Variants in XPO5 observed in about 807,000 individuals in gnomAD.
XPO5 encodes exportin-5.
Under a neutral mutation model 160.6 loss-of-function variants are expected in XPO5, and 46 were observed. That is an observed-to-expected ratio of 0.29 (90% CI 0.23 to 0.37). The LOEUF is 0.37. Ranked by LOEUF, XPO5 falls within the 10% of genes least tolerant of loss-of-function variation. The pLI is 1.00. For synonymous variants in XPO5, 537 were observed against 519.3 expected (o/e 1.03, Z -0.46); for missense variants, 1,090 against 1,463.9 (o/e 0.74, Z 4.17).
At chr6:43,528,548 G>A (rs1046907937) in intron 24 of XPO5, among the ~76,000 whole-genome samples, 2 of 152,106 alleles carry the variant, frequency 1.3e-5, no homozygotes, top group African/African-American at 4.8e-5. Context: ...TCCTGGCAAG[G>A]GTCTGTGAGC....
Position 43,570,610 on chromosome 6 carries a change from G to C in XPO5, c.513C>G (p.Pro171=). 6.2e-7 allele frequency: 1 copy of C among 1,613,684 alleles called. No homozygotes were observed. Among genetic ancestry groups the C allele is most frequent in the South Asian group, 1.1e-5 (1 of 91,060 alleles). Residue 171 remains proline (P), a synonymous_variant, in exon 5 of 32, where the codon CCC becomes CCG. Coordinates refer to ENST00000265351, the MANE Select transcript of XPO5 (RefSeq NM_020750.3). ...AEDVVTFQTL[P]PQRRRDIQQT... ...GCTGGATGTCCCTTCTTCTTTGAGGGGGAAGTGTCTGAAAAGTCACTACAT... is the reference window on the plus strand; with the variant it reads ...GCTGGATGTCCCTTCTTCTTTGAGGCGGAAGTGTCTGAAAAGTCACTACAT...
chr6:43,574,937 T>C (rs1763220533), intron 1 of XPO5, among the ~76,000 whole-genome samples: 1 of 152,218 alleles, frequency 6.6e-6, no homozygotes, highest in South Asian at 2.1e-4. Flanking sequence ...TTTTTGAAGT[T>C]AACATCACTT....
intron 6 of XPO5, among the ~76,000 whole-genome samples, chr6:43,567,576 C>A (rs983095914): frequency 1.3e-5 from 2 of 152,052 alleles, no homozygotes; most frequent in South Asian, 4.1e-4. Context: ...TTATCTTTTT[C>A]ACAAAACCCC....
chr6:43,543,627 A>C (rs9472074), intron 20 of XPO5, among the ~76,000 whole-genome samples: 1 of 151,920 alleles, frequency 6.6e-6, no homozygotes, highest in Non-Finnish European at 1.5e-5. Flanking sequence ...TCACAAGTTA[A>C]GCCCTTTTCT....
chr6:43,539,640 G>A (rs1471321614), intron 20 of XPO5: 16 of 1,316,998 alleles, frequency 1.2e-5, no homozygotes, highest in Middle Eastern at 5.1e-4. Flanking sequence ...AAGCCACCGC[G>A]GTTCCCCATC....
intron 20 of XPO5, among the ~76,000 whole-genome samples, chr6:43,543,407 C>T (rs1260831053): frequency 2.0e-5 from 3 of 152,098 alleles, no homozygotes; most frequent in South Asian, 2.1e-4. Flanking sequence ...GAGCCGTGAT[C>T]GCAACACTGC....
intron 11 of XPO5, 43 bp from the exon 12 acceptor site, chr6:43,558,634 C>T (rs771922052): frequency 1.4e-6 from 2 of 1,454,694 alleles, no homozygotes; most frequent in Non-Finnish European, 1.8e-6. Context: ...GAAAGTGGAC[C>T]CACTGAAAGA....
chr6:43,545,490 T>C (rs113512428), intron 20 of XPO5, among the ~76,000 whole-genome samples: 1 of 151,984 alleles, frequency 6.6e-6, no homozygotes, highest in African/African-American at 2.4e-5. Context: ...ACTGATCACT[T>C]GCGGCCAGGA....
At position 43,558,530 on chromosome 6, in the gene XPO5, C is replaced by T; in HGVS notation, c.1283G>A (p.Ser428Asn). Residue 428 changes from serine to asparagine, a missense_variant, in exon 12 of 32, where the codon AGC becomes AAC. By Grantham distance (46) the Ser-to-Asn change is conservative. Transcript: ENST00000265351. ...SCEYSRFDFDSDEDFNAFFNS... is the reference protein window; with the variant it reads ...SCEYSRFDFDNDEDFNAFFNS... ...GAAGAAAGCATTGAAGTCCTCATCG[C>T]TATCAAAATCAAACCGAGAATATTC... 2.5e-6 allele frequency: 4 copies of T among 1,604,348 alleles called. No individual in the cohort carries two copies. Among genetic ancestry groups the T allele is most frequent in the Non-Finnish European group, 3.4e-6 (4 of 1,175,776 alleles).
chr6:43,524,090 C>G, intron 31 of XPO5, 85 bp from the exon 32 acceptor site: 1 of 1,526,300 alleles, frequency 6.6e-7, no homozygotes, highest in Non-Finnish European at 8.8e-7. Flanking sequence ...GTGGCTCGCG[C>G]CTGTAATCCC....
intron 21 of XPO5, among the ~76,000 whole-genome samples, chr6:43,532,364 T>C (rs1027782980): frequency 2.6e-5 from 4 of 152,196 alleles, no homozygotes; most frequent in African/African-American, 9.6e-5. Flanking sequence ...ATTGGATTGC[T>C]TGACCACAGC....
chr6:43,555,707 T>C, intron 13 of XPO5, 129 bp downstream of exon 13: 1 of 1,155,850 alleles, frequency 8.7e-7, no homozygotes, highest in East Asian at 2.7e-5. Context: ...CTCTCCAGGA[T>C]GAGCAAAGCT....
intron 20 of XPO5, chr6:43,538,703 G>A: frequency 2.1e-6 from 1 of 468,002 alleles, no homozygotes. Context: ...CTTTGGTACT[G>A]TTAATGTCTG....
chr6:43,553,689 CA>C (rs1166812972), intron 13 of XPO5, 186 bp from the exon 14 acceptor site: 5 of 1,310,482 alleles, frequency 3.8e-6, no homozygotes, highest in Non-Finnish European at 4.9e-6. Flanking sequence ...GTGCTGAAAG[CA>C]ATGAGGTAGG....
Position 43,528,819 on chromosome 6 carries a change from AT to A in XPO5, c.2775+8del. ...ACTCTTTGCTTCCTGTTCCTGACTT[AT>A]CTCTTACCATATGGAGGTAGGTGAA... On this transcript the variant is annotated splice_region_variant and intron_variant, in intron 24 of 31. Coordinates refer to ENST00000265351, the MANE Select transcript of XPO5 (RefSeq NM_020750.3). The A allele has an allele frequency of 6.2e-7, 1 of 1,612,728 alleles. No homozygotes were observed. Among genetic ancestry groups the A allele is most frequent in the Non-Finnish European group, 8.5e-7 (1 of 1,179,072 alleles).
Position 43,523,379 on chromosome 6 carries a change from T to C in XPO5, c.*489A>G. 2.8e-5 allele frequency: 8 copies of C among 288,036 alleles called. No individual in the cohort carries two copies. Among genetic ancestry groups the C allele is most frequent in the South Asian group, 2.4e-4 (7 of 29,654 alleles). The allele number at this position is 288,036 out of a possible 1,614,324, so 17.8% of individuals were successfully genotyped here. On this transcript the variant is annotated 3_prime_UTR_variant, in exon 32 of 32. Transcript: ENST00000265351. The stretch of plus-strand genomic sequence containing the variant: ...TAACCCAGACATGCCCCTTAGGGAG[T>C]GGGGAAAGTTTCCTGCCAGCCCAGC...
chr6:43,536,163 C>T (rs1225273992), intron 20 of XPO5, among the ~76,000 whole-genome samples: 1 of 151,644 alleles, frequency 6.6e-6, no homozygotes, highest in Non-Finnish European at 1.5e-5. Context: ...GCCTGTAATC[C>T]CAGCACTTTG....
intron 15 of XPO5, chr6:43,550,850 C>T (rs1795191635): frequency 6.6e-6 from 1 of 152,414 alleles, no homozygotes; most frequent in Non-Finnish European, 1.5e-5. Context: ...GGAAAGTGTT[C>T]CTTCCTCTCA....
At position 43,551,385 on chromosome 6, in the gene XPO5, G is replaced by A. The variant is rs376372783; in HGVS notation, c.1641C>T (p.Leu547=). The A allele has an allele frequency of 1.9e-6, 3 of 1,613,968 alleles. No individual in the cohort carries two copies. Among genetic ancestry groups the A allele is most frequent in the Non-Finnish European group, 2.5e-6 (3 of 1,179,862 alleles). The change falls in exon 15 of 32, where the codon CTC becomes CTT. Residue 547 remains leucine, a synonymous_variant. Transcript: ENST00000265351. ...MVLNFDTKDP[L]ILSCVLTNVS... Reference sequence around the variant, plus strand: ...CATTAGTAAGGACGCAGGACAGGATGAGGGGATCCTTGGTATCAAAGTTCA... The same window carrying A: ...CATTAGTAAGGACGCAGGACAGGATAAGGGGATCCTTGGTATCAAAGTTCA...
Sources: allele counts gnomAD v4.1 joint callset (sites outside exome capture counted in the v4.1 genomes callset), GRCh38; gene constraint gnomAD v4.1.1; transcripts MANE v1.5; gene names NCBI Gene and HGNC (gene_info 2026-07-23, HGNC 2026-07-21).